The following PLCG2 variants were observed in gnomAD, a reference collection of about 807,000 sequenced individuals.
PLCG2 encodes phospholipase C gamma 2.
A neutral mutation model predicts 175.6 loss-of-function variants in PLCG2; 69 were observed. The ratio of observed to expected loss-of-function variants is 0.39; its 90% CI spans 0.32 to 0.48. The LOEUF (loss-of-function observed/expected upper bound fraction) is 0.48, where lower values mean the gene tolerates loss of function less well. Ranked by LOEUF, PLCG2 falls within the 20% of genes least tolerant of loss-of-function variation. The probability of loss-of-function intolerance (pLI) is 0.91; values close to 1 mark genes in which losing one functional copy is unlikely to be tolerated. For missense variants in PLCG2, 1,798 were observed against 1,650.9 expected (o/e 1.09, Z -1.54); for synonymous variants, 827 against 624.0 (o/e 1.33, Z -4.85).
intron 2 of PLCG2, among the ~76,000 whole-genome samples, chr16:81,788,837 C>T (rs990648278): frequency 2.2e-4 from 34 of 152,316 alleles, no homozygotes; most frequent in Admixed American, 2.6e-4. Context: ...TTGCATTGGC[C>T]GGCTCCACCC....
chr16:81,773,199 A>G (rs936871258), intron 2 of PLCG2, among the ~76,000 whole-genome samples: 16 of 152,180 alleles, frequency 1.1e-4, no homozygotes, highest in Admixed American at 6.6e-5. Flanking sequence ...TACTCTTTTC[A>G]GTCTCTTCCC....
intron 2 of PLCG2, among the ~76,000 whole-genome samples, chr16:81,765,616 G>C (rs923074537): frequency 1.3e-5 from 2 of 152,230 alleles, no homozygotes; most frequent in African/African-American, 4.8e-5. Flanking sequence ...GGATGACAGA[G>C]TGAGACTCGG....
intron 5 of PLCG2, among the ~76,000 whole-genome samples, chr16:81,868,058 G>T (rs762204229): frequency 2.6e-5 from 4 of 152,208 alleles, no homozygotes; most frequent in Non-Finnish European, 5.9e-5. Context: ...CACTCATGCA[G>T]ATTCCTGTGA....
intron 2 of PLCG2, among the ~76,000 whole-genome samples, chr16:81,764,342 A>T (rs1488451862): frequency 6.6e-6 from 1 of 152,118 alleles, no homozygotes; most frequent in African/African-American, 2.4e-5. Context: ...AGTTACAAAG[A>T]TCTGGCAGAT....
At chr16:81,916,885 T>C (rs67150050) in intron 19 of PLCG2, among the ~76,000 whole-genome samples, 59,016 of 151,994 alleles carry the variant, frequency 0.39, 12,526 homozygotes, top group East Asian at 0.78. Flanking sequence ...TGATCCACCC[T>C]CCTTGGCCTC....
At chr16:81,844,336 A>T (rs529342403) in intron 2 of PLCG2, among the ~76,000 whole-genome samples, 3 of 143,340 alleles carry the variant, frequency 2.1e-5, no homozygotes, top group Non-Finnish European at 4.6e-5. Flanking sequence ...CTTCTTTCGG[A>T]TGGAGTTTCA....
At chr16:81,891,417 G>T in intron 10 of PLCG2, 55 bp from the exon 11 acceptor site, 1 of 1,008,900 alleles carries the variant, frequency 9.9e-7, no homozygotes, top group South Asian at 1.3e-5. Context: ...GAAACAAGCA[G>T]ACACCATCCT....
In PLCG2 at chr16:81,858,359, A is replaced by G; in HGVS notation, c.431+3A>G. 1 of 1,610,068 alleles carries G rather than the reference A, an allele frequency of 6.2e-7. No homozygotes were observed. The highest frequency in any genetic ancestry group is 8.5e-7 in the Non-Finnish European group (1 of 1,176,402). Reference sequence around the variant, plus strand: ...TCCACGCCCACCATTATCGAGAGGTAGTTGGCTTTTGCCTGTTGATTTGCG... The same window carrying G: ...TCCACGCCCACCATTATCGAGAGGTGGTTGGCTTTTGCCTGTTGATTTGCG... On this transcript the variant is annotated splice_donor_region_variant and intron_variant, in intron 4 of 32. Transcript: ENST00000564138.
In PLCG2 at chr16:81,867,191, G is replaced by T. The variant is rs747913317; in HGVS notation, c.480-2023G>T. ...CAGGGCAGCGGCTGGGCAGTGACGC[G>T]CTACTTCCTTCCGCATGCCACAGCA... On this transcript the variant is annotated intron_variant, in intron 5 of 32. Transcript: ENST00000564138. Among the ~76,000 whole-genome samples the T allele has an allele frequency of 5.3e-5, 8 of 152,206 alleles. No homozygotes were observed. In the East Asian group the frequency reaches 1.2e-3, roughly 22 times the overall value.
At chr16:81,885,316 G>A (rs565236361) in intron 9 of PLCG2, among the ~76,000 whole-genome samples, 13 of 104,158 alleles carry the variant, frequency 1.2e-4, no homozygotes, top group Admixed American at 1.2e-3. Flanking sequence ...GAGCCACCAC[G>A]CCCAGCCCCG....
Position 81,960,677 on chromosome 16 carries a change from T to G in PLCG2, c.*2679T>G. Reference sequence around the variant, plus strand: ...GGACTTATCTATAGTGGAACACATTTGAAGACCTACTGCTCTATTAAGAAG... The same window carrying G: ...GGACTTATCTATAGTGGAACACATTGGAAGACCTACTGCTCTATTAAGAAG... On this transcript the variant is annotated 3_prime_UTR_variant, in exon 33 of 33. Coordinates refer to ENST00000564138, the MANE Select transcript of PLCG2 (RefSeq NM_002661.5). The G allele has an allele frequency of 4.3e-6, 1 of 230,686 alleles. No homozygotes were observed. The highest frequency in any genetic ancestry group is 6.2e-5 in the East Asian group (1 of 16,246). The allele number at this position is 230,686 out of a possible 1,614,324, so 14.3% of individuals were successfully genotyped here.
At chr16:81,884,372 C>A (rs184221164) in intron 9 of PLCG2, among the ~76,000 whole-genome samples, 4 of 151,718 alleles carry the variant, frequency 2.6e-5, no homozygotes, top group African/African-American at 9.7e-5. Context: ...AACAAAAACA[C>A]CCCCACCCCA....
At chr16:81,811,481 C>T (rs539151930) in intron 2 of PLCG2, among the ~76,000 whole-genome samples, 1 of 152,062 alleles carries the variant, frequency 6.6e-6, no homozygotes, top group Non-Finnish European at 1.5e-5. Context: ...TTTCTTTTTT[C>T]TTTTTTTAGG....
At chr16:81,776,370 G>A (rs111905832), upstream of PLCG2, among the ~76,000 whole-genome samples, 6,960 of 151,926 alleles carry the variant, frequency 0.046, 337 homozygotes, top group African/African-American at 0.12. Flanking sequence ...CAGCCTCCCA[G>A]GGTGCTGGGA....
intron 2 of PLCG2, among the ~76,000 whole-genome samples, chr16:81,813,446 G>A (rs1904405588): frequency 1.3e-5 from 2 of 152,204 alleles, no homozygotes; most frequent in Non-Finnish European, 2.9e-5. Context: ...GTGAATGGGA[G>A]TTCACTCATG....
intron 2 of PLCG2, among the ~76,000 whole-genome samples, chr16:81,802,747 T>A (rs568214914): frequency 5.3e-5 from 8 of 152,128 alleles, no homozygotes; most frequent in African/African-American, 1.9e-4. Context: ...GATTTTGTAT[T>A]TTTAGTAGGG....
chr16:81,931,347 C>T lies in PLCG2; in HGVS notation c.2582-150C>T, dbSNP rs560341469. 1.3e-4 allele frequency: 84 copies of T among 644,246 alleles called. No individual in the cohort carries two copies. In the South Asian group the frequency reaches 1.7e-3, roughly 13 times the overall value. 39.9% of individuals were successfully genotyped at this position (644,246 alleles called of 1,614,324 possible). On this transcript the variant is annotated intron_variant, in intron 24 of 32. Coordinates refer to ENST00000564138, the MANE Select transcript of PLCG2 (RefSeq NM_002661.5). ...TAGTCATCTGTGATGTGTACTTACC[C>T]CGATGGAAAGTAGACGTCCCCATCA...
At chr16:81,890,373 A>G (rs1318388562) in intron 10 of PLCG2, among the ~76,000 whole-genome samples, 1 of 152,240 alleles carries the variant, frequency 6.6e-6, no homozygotes, top group Non-Finnish European at 1.5e-5. Context: ...AAGCCCAGGA[A>G]TAATTAAGGG....
intron 19 of PLCG2, among the ~76,000 whole-genome samples, chr16:81,917,808 G>A (rs1433980659): frequency 3.3e-5 from 5 of 152,130 alleles, no homozygotes; most frequent in Non-Finnish European, 5.9e-5. Flanking sequence ...TGCAAGCTCC[G>A]CCTCCTGGGT....
Sources: allele counts gnomAD v4.1 joint callset (sites outside exome capture counted in the v4.1 genomes callset), GRCh38; gene constraint gnomAD v4.1.1; transcripts MANE v1.5; gene names NCBI Gene and HGNC (gene_info 2026-07-23, HGNC 2026-07-21).